The following SLCO6A1 variants were observed in gnomAD, a reference collection of about 807,000 sequenced individuals.
The protein encoded by SLCO6A1 is cancer/testis antigen 48.
A neutral mutation model predicts 72.7 loss-of-function variants in SLCO6A1; 65 were observed. The ratio of observed to expected loss-of-function variants is 0.89; its 90% confidence interval spans 0.73 to 1.10. SLCO6A1 has a LOEUF of 1.10. Ranked by LOEUF, SLCO6A1 falls within the 50% of genes least tolerant of loss-of-function variation. The pLI is 0.00. For missense variants in SLCO6A1, 874 were observed against 872.6 expected, an observed-to-expected ratio of 1.00 and a Z score of -0.02; for synonymous variants, 314 against 298.2, an observed-to-expected ratio of 1.05 and a Z score of -0.55.
intron 9 of SLCO6A1, among the ~76,000 whole-genome samples, chr5:102,404,132 A>G (rs1406933841): frequency 2.6e-5 from 4 of 152,198 alleles, no homozygotes; most frequent in African/African-American, 9.7e-5. Flanking sequence ...GAGACTCACT[A>G]TGGAAAATAC....
chr5:102,399,362 C>T (rs1254771987), intron 10 of SLCO6A1, among the ~76,000 whole-genome samples, 193 bp downstream of exon 10: 1 of 151,948 alleles, frequency 6.6e-6, no homozygotes, highest in East Asian at 1.9e-4. Context: ...GTGATATTTA[C>T]ATACTCTATG....
At chr5:102,459,011 A>G (rs933371678) in intron 5 of SLCO6A1, among the ~76,000 whole-genome samples, 1 of 152,138 alleles carries the variant, frequency 6.6e-6, no homozygotes, top group Admixed American at 6.6e-5. Context: ...ATTAAATGCT[A>G]GGTAAGTAGA....
At chr5:102,396,822 G>C (rs976191864) in intron 10 of SLCO6A1, among the ~76,000 whole-genome samples, 1 of 152,124 alleles carries the variant, frequency 6.6e-6, no homozygotes, top group Non-Finnish European at 1.5e-5. Context: ...TCTGGCTGGT[G>C]GGTACTCTGC....
chr5:102,459,261 A>G (rs1391467051), intron 5 of SLCO6A1, among the ~76,000 whole-genome samples: 7 of 152,042 alleles, frequency 4.6e-5, no homozygotes, highest in African/African-American at 1.7e-4. Flanking sequence ...AAAAGGAAAA[A>G]TTTTAAAAAC....
chr5:102,391,135 T>C, intron 10 of SLCO6A1, 90 bp from the exon 11 acceptor site: 1 of 1,252,362 alleles, frequency 8.0e-7, no homozygotes, highest in South Asian at 1.2e-5. Flanking sequence ...ATTTTTTTTT[T>C]CTGGTGCATC....
chr5:102,450,498 A>G (rs913862632), intron 6 of SLCO6A1, among the ~76,000 whole-genome samples: 1 of 152,106 alleles, frequency 6.6e-6, no homozygotes, highest in African/African-American at 2.4e-5. Context: ...GCACCTCTGT[A>G]TTTCCTTGTA....
intron 8 of SLCO6A1, among the ~76,000 whole-genome samples, chr5:102,414,006 A>G (rs931185638): frequency 6.6e-6 from 1 of 152,024 alleles, no homozygotes; most frequent in Non-Finnish European, 1.5e-5. Flanking sequence ...TTATTTTCCA[A>G]TAGTTTTTCA....
intron 1 of SLCO6A1, among the ~76,000 whole-genome samples, chr5:102,494,792 T>C (rs7719993): frequency 4.6e-5 from 7 of 152,240 alleles, no homozygotes; most frequent in African/African-American, 1.7e-4. Flanking sequence ...CATATATTGC[T>C]GACGGGCAGG....
intron 1 of SLCO6A1, among the ~76,000 whole-genome samples, chr5:102,494,385 T>C (rs1028587695): frequency 2.0e-5 from 3 of 152,156 alleles, no homozygotes; most frequent in Admixed American, 6.5e-5. Context: ...GTTTCTATGA[T>C]AGAAGCCAAA....
rs190796748 is a variant in SLCO6A1, at chr5:102,495,916, T to C, written c.358+2571A>G. Among the ~76,000 whole-genome samples the C allele has an allele frequency of 7.9e-5, 12 of 152,178 alleles. No individual in the cohort carries two copies. The East Asian group carries it at 1.9e-3, about 25-fold the overall frequency. ...AAGGACATAAGAAACAAGAAGAAAG[T>C]ATGAGGAAGTGTTCCAGATTAAAGA... On this transcript the variant is annotated intron_variant, in intron 1 of 13. Coordinates refer to ENST00000506729, the MANE Select transcript of SLCO6A1 (RefSeq NM_173488.5).
intron 8 of SLCO6A1, among the ~76,000 whole-genome samples, chr5:102,419,476 C>G (rs1184109055): frequency 1.3e-5 from 2 of 152,168 alleles, no homozygotes; most frequent in African/African-American, 4.8e-5. Flanking sequence ...TATAAGAAGG[C>G]AGACAAACCA....
chr5:102,401,143 T>C (rs749367823), intron 9 of SLCO6A1, among the ~76,000 whole-genome samples: 6 of 151,916 alleles, frequency 3.9e-5, no homozygotes, highest in Non-Finnish European at 7.4e-5. Context: ...CTGAAAAAGG[T>C]AAGTGAGTGG....
chr5:102,463,843 G>A (rs1024741124), intron 4 of SLCO6A1, among the ~76,000 whole-genome samples: 31 of 149,762 alleles, frequency 2.1e-4, no homozygotes, highest in African/African-American at 6.9e-4. Context: ...TCGAGATTGC[G>A]CCATTGCACT....
intron 6 of SLCO6A1, among the ~76,000 whole-genome samples, chr5:102,452,102 A>G (rs1233702282): frequency 1.3e-5 from 2 of 152,212 alleles, no homozygotes; most frequent in Non-Finnish European, 2.9e-5. Context: ...TTTACAGTTC[A>G]CAATATGTTT....
intron 6 of SLCO6A1, among the ~76,000 whole-genome samples, chr5:102,443,881 T>C (rs879202642): frequency 2.4e-4 from 37 of 152,268 alleles, no homozygotes; most frequent in African/African-American, 8.9e-4. Flanking sequence ...GATGTTGACA[T>C]AAAAAGGGAG....
intron 1 of SLCO6A1, among the ~76,000 whole-genome samples, chr5:102,485,814 C>T (rs1321943492): frequency 6.6e-6 from 1 of 152,140 alleles, no homozygotes; most frequent in Non-Finnish European, 1.5e-5. Flanking sequence ...ATCATTTAGA[C>T]TGACTGTGGT....
At chr5:102,484,335 G>A (rs1050713646) in intron 1 of SLCO6A1, among the ~76,000 whole-genome samples, 4 of 152,030 alleles carry the variant, frequency 2.6e-5, no homozygotes, top group Admixed American at 1.3e-4. Context: ...TTCAATGACC[G>A]GTACAGAATA....
At chr5:102,429,015 G>C (rs150960792) in intron 7 of SLCO6A1, among the ~76,000 whole-genome samples, 8 of 151,818 alleles carry the variant, frequency 5.3e-5, no homozygotes, top group African/African-American at 1.7e-4. Context: ...ATGGTATCTC[G>C]TGGTATTGAT....
intron 10 of SLCO6A1, among the ~76,000 whole-genome samples, chr5:102,393,987 G>C (rs1040208966): frequency 1.2e-4 from 19 of 152,074 alleles, no homozygotes; most frequent in African/African-American, 4.3e-4. Flanking sequence ...AAAACTGCCC[G>C]TTTGCTTGTC....
Sources: allele counts gnomAD v4.1 joint callset (sites outside exome capture counted in the v4.1 genomes callset), GRCh38; gene constraint gnomAD v4.1.1; transcripts MANE v1.5; gene names NCBI Gene and HGNC (gene_info 2026-07-23, HGNC 2026-07-21).